The following USP33 variants were observed in gnomAD, a reference collection of about 807,000 sequenced individuals.
USP33 encodes the protein ubiquitin carboxyl-terminal hydrolase 33.
A neutral mutation model predicts 124.2 loss-of-function variants in USP33; 46 were observed. That is an observed-to-expected ratio of 0.37 (90% CI 0.29 to 0.47). The LOEUF is 0.47. USP33 is among the 20% of genes least tolerant of loss of function. USP33 has a pLI of 0.99. For synonymous variants in USP33, 350 were observed against 352.3 expected (o/e 0.99, Z 0.07); for missense variants, 851 against 1,070.6 (o/e 0.79, Z 2.86).
chr1:77,747,608 G>A (rs1679874797), intron 1 of USP33, among the ~76,000 whole-genome samples: 1 of 152,078 alleles, frequency 6.6e-6, no homozygotes, highest in Non-Finnish European at 1.5e-5. Flanking sequence ...TGCCAATACT[G>A]TTATTAACTT....
At chr1:77,700,717 T>A (rs953275342) in intron 22 of USP33, among the ~76,000 whole-genome samples, 6 of 148,792 alleles carry the variant, frequency 4.0e-5, no homozygotes, top group African/African-American at 4.9e-5. Context: ...TTTTTTTTTT[T>A]AAAGACAAAG....
At chr1:77,746,079 T>TA (rs1325796469) in intron 1 of USP33, among the ~76,000 whole-genome samples, 1 of 151,356 alleles carries the variant, frequency 6.6e-6, no homozygotes, top group African/African-American at 2.4e-5. Context: ...TTCAAAAAAT[T>TA]AATGAATCCA....
rs1349867726 is a variant in USP33, at chr1:77,728,491, A to C, written c.939T>G (p.Asn313Lys). 3 of 1,613,980 alleles carry C rather than the reference A, an allele frequency of 1.9e-6. No individual in the cohort carries two copies. Among genetic ancestry groups the C allele is most frequent in the South Asian group, 2.2e-5 (2 of 91,080 alleles). ...NGSRCFSEDN[N>K]ETTMLIQDDE... ...CATCCTGAATTAACATTGTTGTTTC[A>C]TTATTATCTTCAGAAAAGCATCTAG... The change falls in exon 10 of 24, where the codon AAT becomes AAG. Residue 313 changes from asparagine (N) to lysine (K), a missense_variant. Around this residue, in one of 4 missense-constraint regions of USP33, gnomAD observed 207 missense variants for 200.9 expected, o/e 1.03. Transcript: ENST00000370794.
rs940642443 is a variant in USP33 at position 77,717,988 on chromosome 1, A to G, written c.1797T>C (p.Ser599=). Residue 599 remains serine (S), a synonymous_variant, in exon 17 of 24, where the codon AGT becomes AGC. Transcript: ENST00000370794. ...RHELMFSTKI[S]THVSFPLEGL... is the part of the protein sequence containing the mutation. ...CTTCTAGCGGAAATGAAACATGGGT[A>G]CTGATTTTGGTGGAAAACATTAGTT... The G allele has an allele frequency of 6.2e-7, 1 of 1,613,826 alleles. No homozygotes were observed. Among genetic ancestry groups the G allele is most frequent in the Non-Finnish European group, 8.5e-7 (1 of 1,179,900 alleles).
At chr1:77,719,714 G>A (rs1461445489) in intron 15 of USP33, among the ~76,000 whole-genome samples, 1 of 151,878 alleles carries the variant, frequency 6.6e-6, no homozygotes, top group Non-Finnish European at 1.5e-5. Flanking sequence ...TTAGCTGGGT[G>A]TGGTGGCGGG....
Position 77,721,276 on chromosome 1 carries a change from T to G in USP33, c.1658-71A>C. ...TTGCTTATTATGGTCCTGTAATTATTTGATTTTGCCCCATGCTGACCTCCC... is the reference window on the plus strand; with the variant it reads ...TTGCTTATTATGGTCCTGTAATTATGTGATTTTGCCCCATGCTGACCTCCC... On this transcript the variant is annotated intron_variant, in intron 14 of 23. Coordinates refer to ENST00000370794, the MANE Select transcript of USP33 (RefSeq NM_201624.3). 3 of 1,574,314 alleles carry G rather than the reference T, an allele frequency of 1.9e-6. No individual in the cohort carries two copies. The South Asian group carries it at 3.3e-5, about 18-fold the overall frequency.
At chr1:77,758,542 C>T (rs951752825) in intron 1 of USP33, among the ~76,000 whole-genome samples, 1 of 152,106 alleles carries the variant, frequency 6.6e-6, no homozygotes, top group Non-Finnish European at 1.5e-5. Flanking sequence ...GTAACTATTT[C>T]TATTATTTTT....
chr1:77,751,691 T>C (rs1253587725), intron 1 of USP33, among the ~76,000 whole-genome samples: 1 of 151,960 alleles, frequency 6.6e-6, no homozygotes, highest in East Asian at 1.9e-4. Flanking sequence ...TCTGAAGATA[T>C]TACCTTTTTT....
In USP33 at chr1:77,728,445, A is replaced by C. The variant is rs759726217; in HGVS notation, c.985T>G (p.Ser329Ala). Reference protein sequence around the residue: ...IQDDENNSEMSKDWQKEKMCN... With the variant: ...IQDDENNSEMAKDWQKEKMCN... ...ATCTTCTCTTTTTGCCAATCCTTTG[A>C]CATTTCTGAATTGTTTTCATCATCC... The change falls in exon 10 of 24, where the codon TCA becomes GCA. Residue 329 changes from serine (S) to alanine (A), a missense_variant. Around this residue, in one of 4 missense-constraint regions of USP33, gnomAD observed 207 missense variants for 200.9 expected, o/e 1.03. Coordinates refer to ENST00000370794, the MANE Select transcript of USP33 (RefSeq NM_201624.3). 2.5e-6 allele frequency: 4 copies of C among 1,614,028 alleles called. No homozygotes were observed. The Admixed American group carries it at 6.7e-5, about 27-fold the overall frequency.
chr1:77,741,626 T>C lies in USP33; in HGVS notation c.72A>G (p.Gln24=), dbSNP rs760424083. 2 of 1,587,502 alleles carry C rather than the reference T, an allele frequency of 1.3e-6. No individual in the cohort carries two copies. The highest frequency in any genetic ancestry group is 1.7e-6 in the Non-Finnish European group (2 of 1,171,160). The change falls in exon 2 of 24, where the codon CAA becomes CAG. Residue 24 remains glutamine, a synonymous_variant. Transcript: ENST00000370794. ...AAAACCTGTTTCTTACAAGGGATTTTTGTATCAAATCTTCTTTTGTTATTT... is the reference window on the plus strand; with the variant it reads ...AAAACCTGTTTCTTACAAGGGATTTCTGTATCAAATCTTCTTTTGTTATTT... ...VGEITKEDLI[Q]KSLGTCQDCK...
At chr1:77,750,621 TAA>T (rs1429068132) in intron 1 of USP33, among the ~76,000 whole-genome samples, 290 of 82,690 alleles carry the variant, frequency 3.5e-3, no homozygotes, top group Admixed American at 4.8e-3. Context: ...GACCCTGACT[TAA>T]AAAAGAAAGA....
intron 19 of USP33, 109 bp from the exon 20 acceptor site, chr1:77,713,390 GT>G (rs1003409098): frequency 3.4e-6 from 3 of 894,264 alleles, no homozygotes; most frequent in Non-Finnish European, 5.0e-6. Flanking sequence ...AATCATCATT[GT>G]TTTTTTAAGT....
intron 5 of USP33, 38 bp from the exon 6 acceptor site, chr1:77,736,196 C>T (rs941755516): frequency 2.8e-6 from 4 of 1,428,100 alleles, no homozygotes; most frequent in African/African-American, 1.4e-5. Context: ...TGAACAAATC[C>T]TTAAATTTAA....
Position 77,721,913 on chromosome 1 carries a change from T to C in USP33, c.1575A>G (p.Ser525=), listed in dbSNP as rs780121200. The part of the protein sequence containing the change: ...FMEYVKRFVV[S]CVPSWFWGPV... ...GACCCCAAAACCAGCTAGGGACACATGAGACAACAAACCTGAAACATCATT... is the reference window on the plus strand; with the variant it reads ...GACCCCAAAACCAGCTAGGGACACACGAGACAACAAACCTGAAACATCATT... The change falls in exon 14 of 24, where the codon TCA becomes TCG. Residue 525 remains serine, a synonymous_variant. Coordinates refer to ENST00000370794, the MANE Select transcript of USP33 (RefSeq NM_201624.3). 6.2e-7 allele frequency: 1 copy of C among 1,608,344 alleles called. No homozygotes were observed. Among genetic ancestry groups the C allele is most frequent in the South Asian group, 1.1e-5 (1 of 89,472 alleles).
chr1:77,742,799 T>C (rs76971459), intron 1 of USP33, among the ~76,000 whole-genome samples: 2,763 of 152,296 alleles, frequency 0.018, 67 homozygotes, highest in East Asian at 0.1. Context: ...TAAATTTAAT[T>C]TCCTTTGTGG....
At chr1:77,712,964 AG>A (rs1243735946) in intron 20 of USP33, among the ~76,000 whole-genome samples, 2 of 152,260 alleles carry the variant, frequency 1.3e-5, no homozygotes, top group Non-Finnish European at 2.9e-5. Context: ...ATTTTAAACA[AG>A]GTACTTAAAT....
Position 77,723,415 on chromosome 1 carries a change from T to C in USP33, c.1305A>G (p.Lys435=). 1 of 1,612,226 alleles carries C rather than the reference T, an allele frequency of 6.2e-7. No individual in the cohort carries two copies. The highest frequency in any genetic ancestry group is 1.1e-5 in the South Asian group (1 of 90,762). Reference sequence around the variant, plus strand: ...TAACACTTCTGTATTTCTTGTGCTGTTTTTTTCTCTTTGGAGATGCAGACT... The same window carrying C: ...TAACACTTCTGTATTTCTTGTGCTGCTTTTTTCTCTTTGGAGATGCAGACT... ...KAQSASPKRK[K]QHKKYRSVIS... Residue 435 remains lysine, a synonymous_variant, in exon 12 of 24, where the codon AAA becomes AAG. Transcript: ENST00000370794.
intron 12 of USP33, chr1:77,722,399 T>C (rs1449616736): frequency 3.4e-5 from 17 of 505,314 alleles, no homozygotes; most frequent in Non-Finnish European, 5.9e-5. Context: ...ACACTTGCTC[T>C]GTACCAGGTA....
rs902493928 is a variant in USP33, at chr1:77,717,010, C to T, written c.1918+857G>A. ...CCTCCCGAGTAGCTGGGATTACAGGCGCCTGCCATCATGCTTGGCTAATTT... is the reference window on the plus strand; with the variant it reads ...CCTCCCGAGTAGCTGGGATTACAGGTGCCTGCCATCATGCTTGGCTAATTT... On this transcript the variant is annotated intron_variant, in intron 17 of 23. Transcript: ENST00000370794. Among the ~76,000 whole-genome samples, 6 of 151,806 alleles carry T rather than the reference C, an allele frequency of 4.0e-5. No individual in the cohort carries two copies. In the East Asian group the frequency reaches 5.9e-4, roughly 15 times the overall value.
Sources: gnomAD v4.1 joint callset for allele counts (sites outside exome capture counted in the v4.1 genomes callset) on GRCh38, gnomAD v4.1.1 for gene constraint, gnomAD v4.1.1 regional missense constraint, MANE v1.5 for transcripts, NCBI Gene and HGNC (gene_info 2026-07-23, HGNC 2026-07-21) for gene names.